Variants in FOXP4 observed in about 807,000 individuals in gnomAD.
FOXP4 encodes forkhead box protein P4.
FOXP4 carries 25 observed loss-of-function variants against 82.6 expected under a neutral mutation model. The ratio of observed to expected loss-of-function variants is 0.30; its 90% CI spans 0.22 to 0.42. The LOEUF (loss-of-function observed/expected upper bound fraction) is 0.42, where lower values mean the gene tolerates loss of function less well. Ranked by LOEUF, FOXP4 falls within the 10% of genes least tolerant of loss-of-function variation. FOXP4 has a pLI of 1.00. For synonymous variants in FOXP4, 415 were observed against 388.2 expected (o/e 1.07, Z -0.81); for missense variants, 785 against 900.9 (o/e 0.87, Z 1.65).
At chr6:41,578,349 T>G (rs1193216574) in intron 3 of FOXP4, among the ~76,000 whole-genome samples, 1 of 152,180 alleles carries the variant, frequency 6.6e-6, no homozygotes, top group Non-Finnish European at 1.5e-5. Flanking sequence ...CCTGTCTCTT[T>G]GTACCTCTCT....
chr6:41,588,186 C>T (rs1766273045), intron 8 of FOXP4, among the ~76,000 whole-genome samples: 1 of 152,234 alleles, frequency 6.6e-6, no homozygotes, highest in Admixed American at 6.5e-5. Context: ...CCACCCTCCC[C>T]TGCTCCCCTC....
chr6:41,592,086 T>TCGCCCCTGCAGGGAAGGTTAGA (rs1335018554), intron 13 of FOXP4, among the ~76,000 whole-genome samples: 1 of 151,906 alleles, frequency 6.6e-6, no homozygotes, highest in Non-Finnish European at 1.5e-5. Context: ...GAGAGAGTGT[T>TCGCCCCTGCAGGGAAGGTTAGA]CGCCCCTGCA....
At chr6:41,597,529 G>A (rs1481921014) in intron 15 of FOXP4, among the ~76,000 whole-genome samples, 1 of 152,134 alleles carries the variant, frequency 6.6e-6, no homozygotes, top group Non-Finnish European at 1.5e-5. Flanking sequence ...CCTGGGAGAG[G>A]GGATAAGCCA....
intron 1 of FOXP4, among the ~76,000 whole-genome samples, chr6:41,563,257 TCCTCCCGACTCTGCTTCCAG>T (rs1251792125): frequency 6.6e-6 from 1 of 152,148 alleles, no homozygotes; most frequent in Non-Finnish European, 1.5e-5. Flanking sequence ...GTTCTCTATC[TCCTCCCGACTCTGCTTCCAG>T]CCAGGATGAA....
chr6:41,579,287 TAAAG>T (rs2127378555), intron 3 of FOXP4, among the ~76,000 whole-genome samples: 1 of 151,984 alleles, frequency 6.6e-6, no homozygotes, highest in East Asian at 1.9e-4. Context: ...GGAAAGTCAA[TAAAG>T]AGAGGAAGAG....
chr6:41,597,121 C>G, intron 14 of FOXP4, 55 bp from the exon 15 acceptor site: 1 of 1,569,324 alleles, frequency 6.4e-7, no homozygotes, highest in Non-Finnish European at 8.8e-7. Context: ...TAAAGAGATG[C>G]GAATGAAGAG....
intron 1 of FOXP4, among the ~76,000 whole-genome samples, chr6:41,562,967 C>T (rs1417408461): frequency 6.6e-6 from 1 of 152,230 alleles, no homozygotes; most frequent in Non-Finnish European, 1.5e-5. Flanking sequence ...CCGCCACTAG[C>T]CCTCAGGCTG....
chr6:41,584,602 G>T (rs893731999), intron 3 of FOXP4, among the ~76,000 whole-genome samples, 167 bp from the exon 4 acceptor site: 3 of 152,198 alleles, frequency 2.0e-5, no homozygotes, highest in East Asian at 1.9e-4. Context: ...CAACAGGAAG[G>T]TAAGTCACTG....
chr6:41,594,162 G>C (rs1057050366), intron 13 of FOXP4, among the ~76,000 whole-genome samples: 1 of 152,218 alleles, frequency 6.6e-6, no homozygotes, highest in African/African-American at 2.4e-5. Flanking sequence ...AATTCTTGAA[G>C]TTATCCTGCC....
Position 41,598,537 on chromosome 6 carries a change from C to T in FOXP4, c.1896-252C>T, listed in dbSNP as rs79187019. Among the ~76,000 whole-genome samples the T allele has an allele frequency of 5.7e-4, 87 of 152,272 alleles. 1 individual carries two copies. The East Asian group carries it at 0.016, about 27-fold the overall frequency. On this transcript the variant is annotated intron_variant, in intron 16 of 16. Transcript: ENST00000307972. The stretch of plus-strand genomic sequence containing the variant: ...CTGGCCTCTCTTCTATCTTTCTTCT[C>T]CTTCCTCCGTTCGCTCATCTCCCCT...
At chr6:41,575,472 C>T (rs1409092946) in intron 2 of FOXP4, among the ~76,000 whole-genome samples, 2 of 151,930 alleles carry the variant, frequency 1.3e-5, no homozygotes, top group Non-Finnish European at 2.9e-5. Flanking sequence ...GGAGCCTTGG[C>T]CAGACCTAAG....
intron 12 of FOXP4, among the ~76,000 whole-genome samples, chr6:41,590,786 C>T (rs534724290): frequency 6.6e-6 from 1 of 152,278 alleles, no homozygotes; most frequent in South Asian, 2.1e-4. Flanking sequence ...GCATGTACAC[C>T]TTCACACACA....
In FOXP4 at chr6:41,586,935, C is replaced by T. The variant is rs957313263; in HGVS notation, c.511-74C>T. ...GACAGGCCCTGGGAGGGGGTGGCCG[C>T]GGGGTGGGGGCCAGATGGCATGCCT... On this transcript the variant is annotated intron_variant, in intron 5 of 16. Coordinates refer to ENST00000307972, the MANE Select transcript of FOXP4 (RefSeq NM_001012426.2). The T allele has an allele frequency of 4.2e-5, 63 of 1,489,894 alleles. No homozygotes were observed. In the Admixed American group the frequency reaches 5.6e-4, roughly 13 times the overall value. The allele number at this position is 1,489,894 out of a possible 1,614,324, so 92.3% of individuals were successfully genotyped here.
intron 1 of FOXP4, among the ~76,000 whole-genome samples, chr6:41,557,614 G>C (rs1403858464): frequency 2.6e-5 from 4 of 152,196 alleles, no homozygotes; most frequent in Non-Finnish European, 5.9e-5. Flanking sequence ...GCTTATGATA[G>C]TAAGTGGTGA....
Position 41,599,230 on chromosome 6 carries a change from C to CT in FOXP4, c.*294_*295insT. 1 of 261,790 alleles carries CT rather than the reference C, an allele frequency of 3.8e-6. No homozygotes were observed. The highest frequency in any genetic ancestry group is 9.9e-5 in the South Asian group (1 of 10,104). The allele number at this position is 261,790 out of a possible 1,614,324, so 16.2% of individuals were successfully genotyped here. A position where few individuals can be genotyped will look rare whatever the true frequency, so the allele number is the denominator to read the frequency against. On this transcript the variant is annotated 3_prime_UTR_variant, in exon 17 of 17. Transcript: ENST00000307972. ...ACTGCCTCCCCCCAACCACCAGCAGCAGCAGGGCCCTCCTCCCCCACCAGC... is the reference window on the plus strand; with the variant it reads ...ACTGCCTCCCCCCAACCACCAGCAGCTAGCAGGGCCCTCCTCCCCCACCAGC...
chr6:41,572,698 G>A (rs1239313727), intron 2 of FOXP4, among the ~76,000 whole-genome samples: 1 of 152,184 alleles, frequency 6.6e-6, no homozygotes, highest in Admixed American at 6.5e-5. Flanking sequence ...GCCAGAGGCA[G>A]ACAAAGGAAG....
chr6:41,573,449 C>T (rs947173089), intron 2 of FOXP4, among the ~76,000 whole-genome samples: 4 of 152,220 alleles, frequency 2.6e-5, no homozygotes, highest in South Asian at 2.1e-4. Context: ...TTCCTAATTG[C>T]GGAGATCCTG....
chr6:41,598,665 G>A (rs1767024611), intron 16 of FOXP4, 124 bp from the exon 17 acceptor site: 2 of 1,390,880 alleles, frequency 1.4e-6, no homozygotes, highest in South Asian at 1.3e-5. Context: ...AGGTCTGATG[G>A]GATCCTGGGG....
At chr6:41,584,377 T>TG (rs1765973067) in intron 3 of FOXP4, among the ~76,000 whole-genome samples, 1 of 152,228 alleles carries the variant, frequency 6.6e-6, no homozygotes, top group Admixed American at 6.5e-5. Flanking sequence ...TCCCCATTAC[T>TG]GGGGGGAACC....
Sources: gnomAD v4.1 joint callset for allele counts (sites outside exome capture counted in the v4.1 genomes callset) on GRCh38, gnomAD v4.1.1 for gene constraint, MANE v1.5 for transcripts, NCBI Gene and HGNC (gene_info 2026-07-23, HGNC 2026-07-21) for gene names.